Variants in NTAQ1 observed in about 807,000 individuals in gnomAD.
NTAQ1 encodes protein N-terminal glutamine amidohydrolase.
Under a neutral mutation model 28.2 loss-of-function variants are expected in NTAQ1, and 21 were observed. The ratio of observed to expected loss-of-function variants is 0.74; its 90% CI spans 0.53 to 1.07. NTAQ1 has a LOEUF of 1.07. Among genes scored for constraint, NTAQ1 ranks in the 50% least tolerant of loss-of-function variants. The pLI is 0.00. For missense variants in NTAQ1, 264 were observed against 256.6 expected, an observed-to-expected ratio of 1.03 and a Z score of -0.20; for synonymous variants, 105 against 90.0, an observed-to-expected ratio of 1.17 and a Z score of -0.94.
intron 6 of NTAQ1, among the ~76,000 whole-genome samples, chr8:123,453,506 G>A (rs1371476124): frequency 6.6e-6 from 1 of 150,798 alleles, no homozygotes; most frequent in Non-Finnish European, 1.5e-5. Flanking sequence ...TCAGCTCACT[G>A]CAACCTCTGC....
rs1248133910 is a variant in NTAQ1, at chr8:123,437,138, C to T, written c.384-72C>T. 1.5e-5 allele frequency: 23 copies of T among 1,577,168 alleles called. No homozygotes were observed. In the East Asian group the frequency reaches 2.3e-4, roughly 15 times the overall value. On this transcript the variant is annotated intron_variant, in intron 4 of 5. Transcript: ENST00000287387. ...TTTGTGCATGTCATAGGAAATGAGT[C>T]GATATAAAAATGGAGTTAGAATTTC...
chr8:123,424,166 G>A (rs1435250375), intron 1 of NTAQ1, among the ~76,000 whole-genome samples: 1 of 142,770 alleles, frequency 7.0e-6, no homozygotes, highest in African/African-American at 2.6e-5. Context: ...TGTGCCTCCC[G>A]GGCTCAAGTG....
intron 1 of NTAQ1, among the ~76,000 whole-genome samples, chr8:123,419,997 A>G (rs1173516032): frequency 6.6e-6 from 1 of 151,814 alleles, no homozygotes; most frequent in African/African-American, 2.4e-5. Flanking sequence ...GGTTTGGTGT[A>G]CAAATTATTT....
At position 123,441,488 on chromosome 8, in the gene NTAQ1, A is replaced by C. The variant is rs1280492164; in HGVS notation, c.*73A>C. The C allele has an allele frequency of 2.5e-6, 3 of 1,192,838 alleles. No homozygotes were observed. In the East Asian group the frequency reaches 7.7e-5, roughly 31 times the overall value. 73.9% of individuals were successfully genotyped at this position (1,192,838 alleles called of 1,614,324 possible). On this transcript the variant is annotated 3_prime_UTR_variant, in exon 6 of 6. Transcript: ENST00000287387. ...AAGCTATCCTTTCATCGAGGACAGC[A>C]AACATTATGGTACAGTTGGCTTGGA...
At chr8:123,459,209 G>A (rs561191867) in intron 6 of NTAQ1, among the ~76,000 whole-genome samples, 1 of 151,904 alleles carries the variant, frequency 6.6e-6, no homozygotes, top group Non-Finnish European at 1.5e-5. Flanking sequence ...TTATGCCACT[G>A]CACTCCAGCC....
At chr8:123,431,429 C>A (rs12681098) in intron 3 of NTAQ1, among the ~76,000 whole-genome samples, 54,823 of 151,424 alleles carry the variant, frequency 0.36, 10,005 homozygotes, top group East Asian at 0.56. Flanking sequence ...GAACAAACTC[C>A]TAGTTTCTGG....
chr8:123,469,926 G>A (rs1459308373), exon 7 of NTAQ1, among the ~76,000 whole-genome samples: 1 of 152,170 alleles, frequency 6.6e-6, no homozygotes, highest in East Asian at 1.9e-4. Flanking sequence ...TGGACTAAAT[G>A]TTTGTGTCCC....
chr8:123,429,972 G>A lies in NTAQ1; in HGVS notation c.184-11G>A. ...AAAGGTATGGCTTACGAAATGTATT[G>A]TATTTTGTAGATACCTATCTGGAAA... On this transcript the variant is annotated splice_polypyrimidine_tract_variant and intron_variant, in intron 2 of 5. Transcript: ENST00000287387. The A allele has an allele frequency of 6.3e-7, 1 of 1,587,604 alleles. No homozygotes were observed. Among genetic ancestry groups the A allele is most frequent in the South Asian group, 1.1e-5 (1 of 89,330 alleles).
At chr8:123,449,859 TTCTCTCTCTCTCTC>T (rs112959997), downstream of NTAQ1, among the ~76,000 whole-genome samples, 16 of 111,246 alleles carry the variant, frequency 1.4e-4, no homozygotes, top group African/African-American at 3.7e-4. Flanking sequence ...GCTCGCTGCT[TTCTCTCTCTCTCTC>T]TCTCTCTCTC....
chr8:123,421,201 C>T (rs993269964), intron 1 of NTAQ1, among the ~76,000 whole-genome samples: 1 of 152,190 alleles, frequency 6.6e-6, no homozygotes, highest in African/African-American at 2.4e-5. Context: ...CCACTTCAGT[C>T]TCCCGAGTAA....
At chr8:123,466,332 T>G (rs1460504374) in intron 6 of NTAQ1, among the ~76,000 whole-genome samples, 11 of 152,186 alleles carry the variant, frequency 7.2e-5, no homozygotes, top group Non-Finnish European at 2.9e-5. Flanking sequence ...TCTGTCCATT[T>G]GGGCATGGGA....
At chr8:123,468,295 A>G (rs1563910028) in exon 7 of NTAQ1, among the ~76,000 whole-genome samples, 1 of 152,230 alleles carries the variant, frequency 6.6e-6, no homozygotes, top group Non-Finnish European at 1.5e-5. Context: ...GTATATTTGC[A>G]TCATCATGCC....
At chr8:123,474,334 A>G (rs1269300086), downstream of NTAQ1, among the ~76,000 whole-genome samples, 2 of 152,194 alleles carry the variant, frequency 1.3e-5, no homozygotes, top group Non-Finnish European at 2.9e-5. Flanking sequence ...ACTTCTGAGG[A>G]AAGCTGGTCA....
intron 6 of NTAQ1, among the ~76,000 whole-genome samples, chr8:123,459,220 T>G (rs1815745630): frequency 6.6e-6 from 1 of 151,414 alleles, no homozygotes; most frequent in Admixed American, 6.6e-5. Flanking sequence ...CACTCCAGCC[T>G]AGGTGACAGA....
At chr8:123,423,428 T>TTCC (rs1290521121) in intron 1 of NTAQ1, among the ~76,000 whole-genome samples, 21 of 134,126 alleles carry the variant, frequency 1.6e-4, no homozygotes, top group East Asian at 9.2e-4. Flanking sequence ...TTCTCTTCTG[T>TTCC]TTCTCTTTTT....
chr8:123,467,679 A>G (rs1296106546), exon 7 of NTAQ1, among the ~76,000 whole-genome samples: 1 of 152,226 alleles, frequency 6.6e-6, no homozygotes, highest in African/African-American at 2.4e-5. Flanking sequence ...ATTGTGAGCA[A>G]GGAAGAAAGG....
chr8:123,460,782 G>A (rs1815799623), intron 6 of NTAQ1, among the ~76,000 whole-genome samples: 1 of 152,190 alleles, frequency 6.6e-6, no homozygotes, highest in Non-Finnish European at 1.5e-5. Flanking sequence ...AGTGAAATGA[G>A]GGAAGAATGG....
chr8:123,446,645 C>T (rs1351320043), downstream of NTAQ1, among the ~76,000 whole-genome samples: 6 of 152,306 alleles, frequency 3.9e-5, no homozygotes, highest in Middle Eastern at 3.4e-3. Context: ...TCGCGCAAGA[C>T]GAGCCCTGGT....
intron 1 of NTAQ1, among the ~76,000 whole-genome samples, 198 bp downstream of exon 1, chr8:123,417,130 G>A (rs1813347290): frequency 6.6e-6 from 1 of 152,222 alleles, no homozygotes; most frequent in African/African-American, 2.4e-5. Flanking sequence ...ATGGGGTTGG[G>A]AATTCGTCCG....
Sources: allele counts gnomAD v4.1 joint callset (sites outside exome capture counted in the v4.1 genomes callset), GRCh38; gene constraint gnomAD v4.1.1; transcripts MANE v1.5; gene names NCBI Gene and HGNC (gene_info 2026-07-23, HGNC 2026-07-21).